Variants in RAD51B observed in about 807,000 individuals in gnomAD.
RAD51B encodes the protein DNA repair protein RAD51 homolog 2.
Under a neutral mutation model 42.2 loss-of-function variants are expected in RAD51B, and 38 were observed. The ratio of observed to expected loss-of-function variants is 0.90; its 90% CI spans 0.70 to 1.18. The LOEUF (loss-of-function observed/expected upper bound fraction) is 1.18, where lower values mean the gene tolerates loss of function less well. RAD51B is among the 50% of genes most tolerant of loss of function. The pLI is 0.00. For synonymous variants in RAD51B, 154 were observed against 145.2 expected (o/e 1.06, Z -0.43); for missense variants, 373 against 400.7 (o/e 0.93, Z 0.59).
chr14:68,354,802 A>G (rs967020065), intron 8 of RAD51B, among the ~76,000 whole-genome samples: 3 of 152,158 alleles, frequency 2.0e-5, no homozygotes, highest in African/African-American at 7.2e-5. Context: ...GCCCTGGGCT[A>G]GCCTCTCGGC....
At chr14:68,228,434 T>A (rs1379845871) in intron 7 of RAD51B, among the ~76,000 whole-genome samples, 1 of 152,226 alleles carries the variant, frequency 6.6e-6, no homozygotes, top group African/African-American at 2.4e-5. Flanking sequence ...CAATGTTGAA[T>A]CATTATTCTT....
At chr14:67,867,336 C>T (rs182360308) in intron 5 of RAD51B, among the ~76,000 whole-genome samples, 50 of 152,320 alleles carry the variant, frequency 3.3e-4, no homozygotes, top group African/African-American at 1.1e-3. Context: ...GTTTATTTCT[C>T]TCATATAACA....
At chr14:68,484,558 C>T (rs776728096) in intron 10 of RAD51B, among the ~76,000 whole-genome samples, 35 of 152,022 alleles carry the variant, frequency 2.3e-4, no homozygotes, top group Non-Finnish European at 4.4e-4. Flanking sequence ...GGAGTTTCAC[C>T]GTGTTAGCCA....
chr14:68,500,759 G>T (rs1044473601), intron 10 of RAD51B, among the ~76,000 whole-genome samples: 4 of 152,224 alleles, frequency 2.6e-5, no homozygotes, highest in Non-Finnish European at 5.9e-5. Context: ...GAAAAGAGAA[G>T]AACCCCCTGC....
At chr14:68,529,261 A>G (rs1887124217) in intron 10 of RAD51B, among the ~76,000 whole-genome samples, 1 of 152,208 alleles carries the variant, frequency 6.6e-6, no homozygotes, top group Non-Finnish European at 1.5e-5. Flanking sequence ...CAGTGGCACA[A>G]TCTTGGCTCA....
At chr14:68,655,642 A>G (rs112431366) in intron 11 of RAD51B, among the ~76,000 whole-genome samples, 1 of 152,134 alleles carries the variant, frequency 6.6e-6, no homozygotes, top group Admixed American at 6.5e-5. Context: ...CAGCCTCTGC[A>G]CAGCCAGGGC....
At chr14:68,323,949 T>C (rs1380109043) in intron 8 of RAD51B, among the ~76,000 whole-genome samples, 2 of 152,178 alleles carry the variant, frequency 1.3e-5, no homozygotes, top group African/African-American at 4.8e-5. Flanking sequence ...AGCGGACCTG[T>C]TGAACAGGGC....
intron 8 of RAD51B, among the ~76,000 whole-genome samples, chr14:68,321,912 C>A (rs2082164179): frequency 1.3e-5 from 2 of 151,912 alleles, no homozygotes; most frequent in Non-Finnish European, 2.9e-5. Flanking sequence ...ACTTCAGCCT[C>A]CTGAGTAGCT....
intron 8 of RAD51B, among the ~76,000 whole-genome samples, chr14:68,403,975 C>T (rs943113312): frequency 6.6e-6 from 1 of 152,128 alleles, no homozygotes; most frequent in African/African-American, 2.4e-5. Flanking sequence ...GGTTAGCAAT[C>T]ACAGAAAGAG....
At chr14:68,492,293 AT>A (rs1884140670) in intron 10 of RAD51B, among the ~76,000 whole-genome samples, 2 of 152,242 alleles carry the variant, frequency 1.3e-5, no homozygotes, top group African/African-American at 4.8e-5. Flanking sequence ...AAGGTAATAA[AT>A]AATCAATAGC....
intron 7 of RAD51B, among the ~76,000 whole-genome samples, chr14:68,230,392 C>T (rs1219332643): frequency 6.6e-6 from 1 of 152,154 alleles, no homozygotes; most frequent in Non-Finnish European, 1.5e-5. Context: ...TGAGTTCACT[C>T]CAGACATTTT....
intron 7 of RAD51B, among the ~76,000 whole-genome samples, chr14:68,162,653 C>T (rs902941988): frequency 1.3e-4 from 20 of 151,972 alleles, no homozygotes; most frequent in Admixed American, 2.0e-4. Context: ...GGTGTGGTGG[C>T]GGGCGCCTGT....
intron 7 of RAD51B, among the ~76,000 whole-genome samples, chr14:68,033,153 G>A (rs1018575435): frequency 6.6e-6 from 1 of 151,968 alleles, no homozygotes; most frequent in Non-Finnish European, 1.5e-5. Flanking sequence ...CACAATGCCT[G>A]GCCTATAGTA....
intron 10 of RAD51B, chr14:68,562,091 A>C (rs1396067611): frequency 9.1e-6 from 9 of 985,246 alleles, no homozygotes; most frequent in Admixed American, 6.1e-5. Flanking sequence ...CTGTCCTAGA[A>C]AGCTTTTGGT....
intron 8 of RAD51B, among the ~76,000 whole-genome samples, chr14:68,299,780 C>T (rs533998801): frequency 5.6e-4 from 86 of 152,298 alleles, no homozygotes; most frequent in African/African-American, 2.0e-3. Context: ...TTGAGATTAT[C>T]ATGACTATGT....
At chr14:68,333,428 C>T (rs984719722) in intron 8 of RAD51B, among the ~76,000 whole-genome samples, 1 of 152,186 alleles carries the variant, frequency 6.6e-6, no homozygotes, top group Non-Finnish European at 1.5e-5. Context: ...AACAGGAACT[C>T]AAACTGCTAA....
chr14:67,921,138 T>C (rs76328791), intron 7 of RAD51B, among the ~76,000 whole-genome samples: 10,458 of 152,208 alleles, frequency 0.069, 877 homozygotes, highest in African/African-American at 0.2. Flanking sequence ...AAAACAACCC[T>C]AACAGATTCC....
At chr14:67,933,283 A>C (rs925621802) in intron 7 of RAD51B, among the ~76,000 whole-genome samples, 1 of 152,160 alleles carries the variant, frequency 6.6e-6, no homozygotes. Context: ...AGCCAGTGCT[A>C]TGCTGCTGTA....
rs142054598 is a variant in RAD51B, at chr14:68,040,184, A to G, written c.756+152980A>G. Among the ~76,000 whole-genome samples, 20 of 152,356 alleles carry G rather than the reference A, an allele frequency of 1.3e-4. No homozygotes were observed. In the East Asian group the frequency reaches 3.7e-3, roughly 28 times the overall value. ...TATAGCTTCTAAGACTTAAATGACC[A>G]GAAAGAATTGAACTGCGTTTAAACT... is the stretch of plus-strand genomic sequence containing the variant. On this transcript the variant is annotated intron_variant, in intron 7 of 10. Coordinates refer to ENST00000471583, the MANE Select transcript of RAD51B (RefSeq NM_133510.4).
Sources: allele counts gnomAD v4.1 joint callset (sites outside exome capture counted in the v4.1 genomes callset), GRCh38; gene constraint gnomAD v4.1.1; transcripts MANE v1.5; gene names NCBI Gene and HGNC (gene_info 2026-07-23, HGNC 2026-07-21).